The following GATM variants were observed in gnomAD, a reference collection of about 807,000 sequenced individuals.
GATM encodes the protein glycine amidinotransferase.
A neutral mutation model predicts 54.2 loss-of-function variants in GATM; 23 were observed. That is an observed-to-expected ratio of 0.42 (90% CI 0.31 to 0.60). The LOEUF is 0.60. GATM is among the 20% of genes least tolerant of loss of function. GATM has a pLI of 0.14. For synonymous variants in GATM, 168 were observed against 183.1 expected (o/e 0.92, Z 0.67); for missense variants, 401 against 544.9 (o/e 0.74, Z 2.63).
At chr15:45,401,088 C>T (rs1374270455) in intron 1 of GATM, among the ~76,000 whole-genome samples, 1 of 152,132 alleles carries the variant, frequency 6.6e-6, no homozygotes, top group Non-Finnish European at 1.5e-5. Context: ...TTATCCATTT[C>T]AAGACCTCCT....
chr15:45,394,984 C>A (rs926887788), intron 3 of GATM, among the ~76,000 whole-genome samples: 8 of 152,154 alleles, frequency 5.3e-5, no homozygotes, highest in Non-Finnish European at 5.9e-5. Flanking sequence ...ATTGTTTTGG[C>A]AAGATCTTGT....
In GATM at chr15:45,367,655, G is replaced by A. The variant is rs1663805587; in HGVS notation, c.675+415C>T. Reference sequence around the variant, plus strand: ...TTTCATTTTACTGTGAATTTGAACTGTAGATCAGGTTCTTTTTCTAGAAGA... The same window carrying A: ...TTTCATTTTACTGTGAATTTGAACTATAGATCAGGTTCTTTTTCTAGAAGA... On this transcript the variant is annotated intron_variant, in intron 4 of 8. Coordinates refer to ENST00000396659, the MANE Select transcript of GATM (RefSeq NM_001482.3). 1.3e-5 allele frequency among the ~76,000 whole-genome samples: 2 copies of A among 152,308 alleles called. 1 individual carries two copies. The highest frequency in any genetic ancestry group is 4.1e-4 in the South Asian group (2 of 4,830).
intron 2 of GATM, among the ~76,000 whole-genome samples, chr15:45,376,076 G>C (rs1889627033): frequency 6.6e-6 from 1 of 152,198 alleles, no homozygotes; most frequent in Non-Finnish European, 1.5e-5. Flanking sequence ...GTTTTAGCTT[G>C]ATTAAATAGG....
At chr15:45,381,812 A>G (rs1008208753), upstream of GATM, among the ~76,000 whole-genome samples, 1 of 152,260 alleles carries the variant, frequency 6.6e-6, no homozygotes, top group Non-Finnish European at 1.5e-5. Flanking sequence ...CAAGGTGACT[A>G]AAGTATATTC....
chr15:45,382,809 A>C (rs1235947564), upstream of GATM, among the ~76,000 whole-genome samples: 1 of 152,122 alleles, frequency 6.6e-6, no homozygotes, highest in Non-Finnish European at 1.5e-5. Flanking sequence ...TATTAGTAAT[A>C]ATAATAATAA....
chr15:45,390,080 G>A (rs924040419), intron 3 of GATM, among the ~76,000 whole-genome samples: 1 of 152,056 alleles, frequency 6.6e-6, no homozygotes, highest in Non-Finnish European at 1.5e-5. Flanking sequence ...TCAAACTCCC[G>A]GGCTCAAGCG....
chr15:45,394,216 G>A (rs140206062), intron 3 of GATM, among the ~76,000 whole-genome samples: 3 of 152,296 alleles, frequency 2.0e-5, no homozygotes, highest in African/African-American at 7.2e-5. Flanking sequence ...CATCATAGGA[G>A]TGTGAATCTT....
intron 3 of GATM, among the ~76,000 whole-genome samples, chr15:45,394,997 A>C (rs938239639): frequency 6.6e-6 from 1 of 152,190 alleles, no homozygotes; most frequent in South Asian, 2.1e-4. Context: ...GATCTTGTCC[A>C]TCAGTGAGAA....
At chr15:45,369,600 T>C (rs1224897060) in intron 2 of GATM, 79 bp from the exon 3 acceptor site, 3 of 1,255,870 alleles carry the variant, frequency 2.4e-6, no homozygotes, top group Non-Finnish European at 3.4e-6. Flanking sequence ...AGTAAACAGC[T>C]CTTTGTATAA....
chr15:45,390,997 C>T (rs1889866371), intron 3 of GATM, among the ~76,000 whole-genome samples: 1 of 152,186 alleles, frequency 6.6e-6, no homozygotes, highest in African/African-American at 2.4e-5. Flanking sequence ...TTGAGCAAGT[C>T]ACTTAATCTC....
chr15:45,376,478 G>A, intron 2 of GATM, 123 bp downstream of exon 2: 2 of 830,450 alleles, frequency 2.4e-6, no homozygotes, highest in South Asian at 1.3e-5. Flanking sequence ...GAGGTGTCAA[G>A]TAAGATAACT....
intron 2 of GATM, among the ~76,000 whole-genome samples, chr15:45,371,906 C>T (rs1010522931): frequency 3.3e-5 from 5 of 152,180 alleles, no homozygotes; most frequent in Admixed American, 2.0e-4. Flanking sequence ...TTTTGTGTCT[C>T]GACTTCCATT....
At chr15:45,382,190 T>C (rs1188680188), upstream of GATM, among the ~76,000 whole-genome samples, 4 of 152,222 alleles carry the variant, frequency 2.6e-5, no homozygotes, top group Non-Finnish European at 4.4e-5. Flanking sequence ...GTTAAATCTA[T>C]TGAGGACAAG....
intron 7 of GATM, 84 bp from the exon 8 acceptor site, chr15:45,364,100 A>G: frequency 9.8e-6 from 8 of 812,322 alleles, no homozygotes; most frequent in Non-Finnish European, 1.5e-5. Flanking sequence ...TATTAAAGTG[A>G]CAGCTCAGTT....
intron 8 of GATM, chr15:45,363,523 G>A (rs555174046): frequency 2.6e-4 from 77 of 300,886 alleles, no homozygotes; most frequent in African/African-American, 1.5e-3. Context: ...TGAGTCCTTT[G>A]AAATATGTGA....
chr15:45,381,636 A>G (rs1889742169), upstream of GATM, among the ~76,000 whole-genome samples: 1 of 152,216 alleles, frequency 6.6e-6, no homozygotes, highest in Non-Finnish European at 1.5e-5. Context: ...AAGAATACAG[A>G]TACTCTGTGA....
chr15:45,365,962 C>A, intron 6 of GATM, 84 bp downstream of exon 6: 1 of 1,269,146 alleles, frequency 7.9e-7, no homozygotes, highest in Non-Finnish European at 1.2e-6. Flanking sequence ...CCATTAGGAA[C>A]CATGGAAGTG....
At position 45,362,003 on chromosome 15, in the gene GATM, T is replaced by C; in HGVS notation, c.*106A>G. ...TTACGACCCCTGTTAAGGAGATGAT[T>C]GTTTAAAGCACTACAGTTCATGCAC... On this transcript the variant is annotated 3_prime_UTR_variant, in exon 9 of 9. Coordinates refer to ENST00000396659, the MANE Select transcript of GATM (RefSeq NM_001482.3). The C allele has an allele frequency of 1.3e-6, 1 of 742,068 alleles. No homozygotes were observed. The highest frequency in any genetic ancestry group is 1.4e-5 in the South Asian group (1 of 69,432). 46.0% of individuals were successfully genotyped at this position (742,068 alleles called of 1,614,324 possible). A position where few individuals can be genotyped will look rare whatever the true frequency, so the allele number is the denominator to read the frequency against.
upstream of GATM, chr15:45,379,944 A>G (rs982843784): frequency 4.0e-5 from 6 of 151,778 alleles, no homozygotes; most frequent in African/African-American, 1.5e-4. Context: ...ACATGGTGAA[A>G]CCCCGTCTCT....
Sources: allele counts gnomAD v4.1 joint callset (sites outside exome capture counted in the v4.1 genomes callset), GRCh38; gene constraint gnomAD v4.1.1; transcripts MANE v1.5; gene names NCBI Gene and HGNC (gene_info 2026-07-23, HGNC 2026-07-21).